Variants in CTNND2 observed in about 807,000 individuals in gnomAD.
The protein encoded by CTNND2 is catenin delta-2.
In CTNND2, 22 loss-of-function variants were observed where a neutral mutation model predicts 144.4. The observed-to-expected ratio is 0.15, with a 90% confidence interval of 0.11 to 0.22. The LOEUF (loss-of-function observed/expected upper bound fraction) is 0.22. Among genes scored for constraint, CTNND2 ranks in the 10% least tolerant of loss-of-function variants. The pLI, the probability that CTNND2 is intolerant of heterozygous loss-of-function variation, is 1.00. For synonymous variants in CTNND2, 751 were observed against 695.6 expected (o/e 1.08, Z -1.25); for missense variants, 1,353 against 1,618.8 (o/e 0.84, Z 2.82).
At chr5:11,719,320 C>G (rs1303981332) in intron 2 of CTNND2, among the ~76,000 whole-genome samples, 5 of 152,164 alleles carry the variant, frequency 3.3e-5, no homozygotes, top group African/African-American at 9.7e-5. Flanking sequence ...TGTGTCATGG[C>G]AGAAGCCATG....
At chr5:11,687,447 G>A (rs1263499434) in intron 2 of CTNND2, among the ~76,000 whole-genome samples, 1 of 152,216 alleles carries the variant, frequency 6.6e-6, no homozygotes, top group African/African-American at 2.4e-5. Context: ...GGTTCCAGCT[G>A]CAGTCCACCC....
chr5:11,709,423 C>T (rs1785900998), intron 2 of CTNND2, among the ~76,000 whole-genome samples: 1 of 152,214 alleles, frequency 6.6e-6, no homozygotes, highest in Admixed American at 6.5e-5. Flanking sequence ...TATACTGTGA[C>T]ATGGGTGTGT....
chr5:11,785,821 A>G (rs1443773039), intron 1 of CTNND2, among the ~76,000 whole-genome samples: 3 of 152,172 alleles, frequency 2.0e-5, no homozygotes, highest in Admixed American at 2.0e-4. Context: ...CAAACACATC[A>G]GTACTATCAG....
chr5:11,353,609 C>T (rs1755558587), intron 8 of CTNND2, among the ~76,000 whole-genome samples: 1 of 152,040 alleles, frequency 6.6e-6, no homozygotes, highest in Non-Finnish European at 1.5e-5. Flanking sequence ...TCGAGACCAG[C>T]CTGGGCAACA....
chr5:11,563,244 AT>A (rs1776815936), intron 3 of CTNND2, among the ~76,000 whole-genome samples: 1 of 152,210 alleles, frequency 6.6e-6, no homozygotes, highest in Non-Finnish European at 1.5e-5. Flanking sequence ...TCACACAGAA[AT>A]ATCAGGAACA....
rs181668567 is a variant in CTNND2 at position 11,841,231 on chromosome 5, T to G, written c.37+62586A>C. Among the ~76,000 whole-genome samples, 494 of 152,272 alleles carry G rather than the reference T, an allele frequency of 3.2e-3. 2 individuals carry two copies. The highest frequency in any genetic ancestry group is 4.7e-3 in the Non-Finnish European group (320 of 68,020). The stretch of plus-strand genomic sequence containing the variant: ...AATCCATTTTAGAGACACTTTTATT[T>G]CTCATGCCAGCCCCTTGTTGAATTT... On this transcript the variant is annotated intron_variant, in intron 1 of 21. Transcript: ENST00000304623.
At chr5:11,415,654 G>T (rs1180020273) in intron 3 of CTNND2, among the ~76,000 whole-genome samples, 1 of 152,022 alleles carries the variant, frequency 6.6e-6, no homozygotes, top group Non-Finnish European at 1.5e-5. Flanking sequence ...TTTGTGCAAG[G>T]AAACATGCTT....
chr5:11,406,328 T>C (rs1224345217), intron 5 of CTNND2, among the ~76,000 whole-genome samples: 1 of 152,194 alleles, frequency 6.6e-6, no homozygotes, highest in Non-Finnish European at 1.5e-5. Flanking sequence ...CTGTTGGGTC[T>C]ATTGGAGGAC....
intron 3 of CTNND2, among the ~76,000 whole-genome samples, chr5:11,549,654 G>A (rs1472023310): frequency 6.6e-6 from 1 of 152,052 alleles, no homozygotes; most frequent in Non-Finnish European, 1.5e-5. Flanking sequence ...CTAGTACCAG[G>A]TTACCAGGGA....
At chr5:11,469,431 T>A (rs146082027) in intron 3 of CTNND2, among the ~76,000 whole-genome samples, 23 of 152,300 alleles carry the variant, frequency 1.5e-4, no homozygotes, top group African/African-American at 4.8e-4. Flanking sequence ...TCCACAATCC[T>A]TTAAAGTTAC....
chr5:11,432,966 C>T (rs7711169), intron 3 of CTNND2, among the ~76,000 whole-genome samples: 11,522 of 152,140 alleles, frequency 0.076, 491 homozygotes, highest in African/African-American at 0.097. Context: ...ATTTACTAGC[C>T]GGGTGCAGTG....
chr5:11,406,323 G>C (rs1249151306), intron 5 of CTNND2, among the ~76,000 whole-genome samples: 1 of 152,122 alleles, frequency 6.6e-6, no homozygotes, highest in Non-Finnish European at 1.5e-5. Flanking sequence ...CTATCCTGTT[G>C]GGTCTATTGG....
At chr5:11,001,590 G>A (rs1004135104) in intron 18 of CTNND2, among the ~76,000 whole-genome samples, 3 of 152,056 alleles carry the variant, frequency 2.0e-5, no homozygotes, top group African/African-American at 7.2e-5. Flanking sequence ...TAGCATCCAC[G>A]GTTCTTACAC....
At chr5:11,217,467 G>A (rs1243163716) in intron 10 of CTNND2, among the ~76,000 whole-genome samples, 2 of 152,130 alleles carry the variant, frequency 1.3e-5, no homozygotes, top group East Asian at 1.9e-4. Context: ...AAGAGTCATA[G>A]GCAGTGCCTA....
intron 9 of CTNND2, among the ~76,000 whole-genome samples, chr5:11,290,722 C>G (rs1748243305): frequency 6.6e-6 from 1 of 152,168 alleles, no homozygotes; most frequent in Non-Finnish European, 1.5e-5. Context: ...CTGAAGTCAA[C>G]TTGGTGCTTT....
intron 3 of CTNND2, among the ~76,000 whole-genome samples, chr5:11,426,563 A>G (rs1762796718): frequency 6.6e-6 from 1 of 152,246 alleles, no homozygotes; most frequent in South Asian, 2.1e-4. Flanking sequence ...CCTCGTTCAC[A>G]TAGAGCATTT....
chr5:11,229,441 T>C (rs1018291433), intron 10 of CTNND2, among the ~76,000 whole-genome samples: 1 of 152,154 alleles, frequency 6.6e-6, no homozygotes, highest in Non-Finnish European at 1.5e-5. Context: ...GGACCACTTG[T>C]GCCCAGGAGT....
At chr5:11,160,926 G>C (rs7705503) in intron 11 of CTNND2, among the ~76,000 whole-genome samples, 79,876 of 151,956 alleles carry the variant, frequency 0.53, 22,102 homozygotes, top group Non-Finnish European at 0.61. Context: ...AACTAAATAA[G>C]TGACTATAAA....
chr5:11,798,358 G>T (rs1438691611), intron 1 of CTNND2, among the ~76,000 whole-genome samples: 1 of 151,970 alleles, frequency 6.6e-6, no homozygotes, highest in Non-Finnish European at 1.5e-5. Context: ...TTTTAGTGGG[G>T]AACTATTTTC....
Sources: allele counts gnomAD v4.1 joint callset (sites outside exome capture counted in the v4.1 genomes callset), GRCh38; gene constraint gnomAD v4.1.1; transcripts MANE v1.5; gene names NCBI Gene and HGNC (gene_info 2026-07-23, HGNC 2026-07-21).